Variants in NXPE2 observed in about 807,000 individuals in gnomAD.
The protein encoded by NXPE2 is NXPE family member 2.
A neutral mutation model predicts 34.4 loss-of-function variants in NXPE2; 34 were observed. The ratio of observed to expected loss-of-function variants is 0.99; its 90% CI spans 0.75 to 1.31. NXPE2 has a LOEUF of 1.31. Ranked by LOEUF, NXPE2 falls within the 40% of genes most tolerant of loss-of-function variation. The probability of loss-of-function intolerance (pLI) is 0.00; values close to 1 mark genes in which losing one functional copy is unlikely to be tolerated. For missense variants in NXPE2, 649 were observed against 672.5 expected, an observed-to-expected ratio of 0.97 and a Z score of 0.39; for synonymous variants, 235 against 231.3, an observed-to-expected ratio of 1.02 and a Z score of -0.15.
chr11:114,582,586 AC>A, the NXPE2 span: 2 of 1,614,132 alleles, frequency 1.2e-6, no homozygotes, highest in South Asian at 2.2e-5. Flanking sequence ...AGCAGCAGAG[AC>A]AGAGAGACCT....
chr11:114,632,888 T>C, the NXPE2 span, among the ~76,000 whole-genome samples: 9 of 83,798 alleles, frequency 1.1e-4, no homozygotes, highest in African/African-American at 4.7e-4. Context: ...TTATATATTA[T>C]ATAATTTTAT....
At chr11:114,732,992 TTTAA>T in the NXPE2 span, among the ~76,000 whole-genome samples, 1 of 152,160 alleles carries the variant, frequency 6.6e-6, no homozygotes, top group South Asian at 2.1e-4. Context: ...TTTGATTTAT[TTTAA>T]TTAATTGTTC....
At chr11:114,590,238 A>G in the NXPE2 span, among the ~76,000 whole-genome samples, 4 of 152,134 alleles carry the variant, frequency 2.6e-5, no homozygotes, top group Admixed American at 2.6e-4. Context: ...AGGCACTGAA[A>G]CTCTTTTTAA....
chr11:114,805,276 G>A, the NXPE2 span, among the ~76,000 whole-genome samples: 41 of 152,102 alleles, frequency 2.7e-4, no homozygotes, highest in African/African-American at 9.4e-4. Flanking sequence ...CAGAAGATGG[G>A]TGATTTCTGC....
the NXPE2 span, chr11:114,570,881 G>A: frequency 1.6e-6 from 2 of 1,257,216 alleles, no homozygotes; most frequent in Non-Finnish European, 2.2e-6. Context: ...TGGCCTGCTA[G>A]TAGACAGTCA....
At chr11:114,619,110 T>TA in the NXPE2 span, among the ~76,000 whole-genome samples, 1 of 151,822 alleles carries the variant, frequency 6.6e-6, no homozygotes, top group Non-Finnish European at 1.5e-5. Flanking sequence ...GCACTGTGGA[T>TA]AATAAGTGTT....
chr11:114,665,208 A>C, the NXPE2 span, among the ~76,000 whole-genome samples: 4 of 152,172 alleles, frequency 2.6e-5, no homozygotes, highest in Non-Finnish European at 4.4e-5. Flanking sequence ...AGTAATATCT[A>C]TTTAAGATAA....
At chr11:114,752,252 G>A in the NXPE2 span, among the ~76,000 whole-genome samples, 1 of 152,260 alleles carries the variant, frequency 6.6e-6, no homozygotes, top group Non-Finnish European at 1.5e-5. Context: ...AAGGAAGCCA[G>A]TATGGCTGAA....
chr11:114,616,377 G>C, the NXPE2 span, among the ~76,000 whole-genome samples: 1 of 151,480 alleles, frequency 6.6e-6, no homozygotes, highest in Non-Finnish European at 1.5e-5. Context: ...CTGTTACCCA[G>C]TGGAAAATAA....
the NXPE2 span, among the ~76,000 whole-genome samples, chr11:114,644,328 G>C: frequency 3.3e-5 from 5 of 152,256 alleles, no homozygotes; most frequent in South Asian, 6.2e-4. Context: ...TCCTTGTCTT[G>C]TGCTGGTTTT....
intron 2 of NXPE2, among the ~76,000 whole-genome samples, chr11:114,693,571 G>A (rs1418926189): frequency 6.6e-6 from 1 of 152,154 alleles, no homozygotes; most frequent in Admixed American, 6.5e-5. Context: ...TGTAACCAAA[G>A]CCCACAAAAG....
the NXPE2 span, among the ~76,000 whole-genome samples, chr11:114,552,582 AAAG>A: frequency 0.019 from 2,943 of 152,124 alleles, 98 homozygotes; most frequent in African/African-American, 0.068. Flanking sequence ...TCAATAGGAC[AAAG>A]AAGAAGAAAT....
chr11:114,600,662 G>T, the NXPE2 span, among the ~76,000 whole-genome samples: 2 of 152,100 alleles, frequency 1.3e-5, no homozygotes, highest in South Asian at 4.1e-4. Flanking sequence ...TTGAGATCCT[G>T]GATTGGGTCC....
intron 2 of NXPE2, among the ~76,000 whole-genome samples, chr11:114,694,893 T>G (rs1951219859): frequency 6.6e-6 from 1 of 152,162 alleles, no homozygotes; most frequent in Admixed American, 6.5e-5. Flanking sequence ...TCATAGTTAT[T>G]TTAAATTTCT....
chr11:114,497,918 C>G, the NXPE2 span, among the ~76,000 whole-genome samples: 2 of 152,170 alleles, frequency 1.3e-5, no homozygotes, highest in South Asian at 4.1e-4. Context: ...ATAAAACATA[C>G]TAATAAACAG....
In NXPE2 at chr11:114,698,512, A is replaced by G. The variant is rs780162995; in HGVS notation, c.600A>G (p.Val200=). ...TGCTCATCCACCCCAGTGAAGGGGT[A>G]TCAGCTCTCTGGAGGGCAAGGAACC... is the stretch of plus-strand genomic sequence containing the variant. The part of the protein sequence containing the change: ...SLLLIHPSEG[V]SALWRARNQG... The change falls in exon 3 of 6, where the codon GTA becomes GTG. Residue 200 remains valine, a synonymous_variant. Transcript: ENST00000389586. The G allele has an allele frequency of 3.2e-5, 52 of 1,614,014 alleles. No individual in the cohort carries two copies. The East Asian group carries it at 1.1e-3, about 34-fold the overall frequency.
chr11:114,480,297 G>A, the NXPE2 span, among the ~76,000 whole-genome samples: 1 of 152,186 alleles, frequency 6.6e-6, no homozygotes, highest in Non-Finnish European at 1.5e-5. Context: ...GAACAGCTAG[G>A]AAGATGGAAG....
chr11:114,738,287 T>C, the NXPE2 span, among the ~76,000 whole-genome samples: 4 of 152,210 alleles, frequency 2.6e-5, no homozygotes, highest in Admixed American at 6.5e-5. Context: ...TTGTAGGACA[T>C]GGTTTAAGTA....
At chr11:114,688,638 T>G (rs11533180) in intron 2 of NXPE2, among the ~76,000 whole-genome samples, 14,919 of 152,184 alleles carry the variant, frequency 0.098, 876 homozygotes, top group Middle Eastern at 0.2. Flanking sequence ...CCTTGATTTT[T>G]TGGAATAGTT....
Sources: gnomAD v4.1 joint callset for allele counts (sites outside exome capture counted in the v4.1 genomes callset) on GRCh38, gnomAD v4.1.1 for gene constraint, MANE v1.5 for transcripts, NCBI Gene and HGNC (gene_info 2026-07-23, HGNC 2026-07-21) for gene names.